TASP1: variants seen among roughly 807,000 people sequenced by gnomAD.
TASP1 encodes the protein taspase 1, also known as threonine aspartase 1.
TASP1 carries 16 observed loss-of-function variants against 56.6 expected under a neutral mutation model. That is an observed-to-expected ratio of 0.28 (90% CI 0.19 to 0.43). TASP1 has a LOEUF of 0.43. Ranked by LOEUF, TASP1 falls within the 20% of genes least tolerant of loss-of-function variation. The probability of loss-of-function intolerance (pLI) is 1.00; values close to 1 mark genes in which losing one functional copy is unlikely to be tolerated. For missense variants in TASP1, 393 were observed against 511.6 expected, an observed-to-expected ratio of 0.77 and a Z score of 2.24; for synonymous variants, 179 against 184.2, an observed-to-expected ratio of 0.97 and a Z score of 0.23.
At chr20:13,164,891 T>A in the TASP1 span, 1 of 1,590,476 alleles carries the variant, frequency 6.3e-7, no homozygotes, top group Non-Finnish European at 8.6e-7. Context: ...GAATGACACA[T>A]AAAGACTTTG....
intron 13 of TASP1, among the ~76,000 whole-genome samples, chr20:13,404,273 G>A (rs1052026990): frequency 2.0e-5 from 3 of 152,188 alleles, no homozygotes; most frequent in Non-Finnish European, 2.9e-5. Flanking sequence ...AGCTTTGTGA[G>A]GGTTTACCCT....
At chr20:13,392,939 A>C (rs2041347233) in intron 13 of TASP1, 2 of 620,646 alleles carry the variant, frequency 3.2e-6, no homozygotes, top group Non-Finnish European at 6.1e-6. Context: ...AAATGGGGCC[A>C]TGCTGGTGCT....
chr20:13,308,404 G>A, the TASP1 span, among the ~76,000 whole-genome samples: 1 of 152,050 alleles, frequency 6.6e-6, no homozygotes, highest in Non-Finnish European at 1.5e-5. Flanking sequence ...CCAAGTCTTG[G>A]CAAGGCGATG....
At chr20:13,221,671 G>T in the TASP1 span, 1 of 1,016,092 alleles carries the variant, frequency 9.8e-7, no homozygotes, top group Non-Finnish European at 1.2e-6. Context: ...GAGCCGAGGC[G>T]GGAGCCGCGC....
At chr20:13,261,917 G>A in the TASP1 span, among the ~76,000 whole-genome samples, 1 of 152,170 alleles carries the variant, frequency 6.6e-6, no homozygotes. Context: ...GCCTTGGCCT[G>A]GGCCTTATAT....
the TASP1 span, among the ~76,000 whole-genome samples, chr20:13,316,419 G>A: frequency 6.6e-6 from 1 of 151,698 alleles, no homozygotes. Context: ...AGAAGTAGAG[G>A]GAATTATTAT....
At chr20:13,163,264 CT>C in the TASP1 span, among the ~76,000 whole-genome samples, 4 of 149,884 alleles carry the variant, frequency 2.7e-5, no homozygotes, top group African/African-American at 9.8e-5. Flanking sequence ...GCTACTCGAA[CT>C]GCTGAGGCAG....
chr20:13,220,357 C>G, the TASP1 span, among the ~76,000 whole-genome samples: 1 of 152,234 alleles, frequency 6.6e-6, no homozygotes, highest in Non-Finnish European at 1.5e-5. Flanking sequence ...GATCCCAGAG[C>G]CCTTCCATTC....
chr20:13,419,045 T>C (rs889753673), intron 12 of TASP1, among the ~76,000 whole-genome samples: 1 of 152,158 alleles, frequency 6.6e-6, no homozygotes, highest in South Asian at 2.1e-4. Flanking sequence ...TAAAGGACAT[T>C]ATGGAAACAA....
At chr20:13,202,517 T>C in the TASP1 span, among the ~76,000 whole-genome samples, 3 of 152,236 alleles carry the variant, frequency 2.0e-5, no homozygotes, top group African/African-American at 7.2e-5. Context: ...CAAGTCACTA[T>C]GTCCATCTTT....
chr20:13,554,255 G>A lies in TASP1; in HGVS notation c.675+4753C>T, dbSNP rs181422280. On this transcript the variant is annotated intron_variant, in intron 8 of 13. Coordinates refer to ENST00000337743, the MANE Select transcript of TASP1 (RefSeq NM_017714.3). ...CCACCTCCAAACTTATTACTATGTG[G>A]CTACGGGCCAGAGAGCAAGGGGACA... Among the ~76,000 whole-genome samples, 531 of 152,240 alleles carry A rather than the reference G, an allele frequency of 3.5e-3. 2 individuals carry two copies. The highest frequency in any genetic ancestry group is 5.8e-3 in the Non-Finnish European group (392 of 68,016).
the TASP1 span, among the ~76,000 whole-genome samples, chr20:13,264,986 A>T: frequency 5.9e-5 from 9 of 152,182 alleles, no homozygotes; most frequent in Non-Finnish European, 1.2e-4. Context: ...TGGACAAGTC[A>T]CAGCGCAGTG....
intron 10 of TASP1, among the ~76,000 whole-genome samples, chr20:13,492,540 G>C (rs1365152928): frequency 6.6e-6 from 1 of 152,140 alleles, no homozygotes; most frequent in Admixed American, 6.5e-5. Flanking sequence ...TCTTCACAGT[G>C]TCCCTATGGT....
chr20:13,310,905 A>G, the TASP1 span, among the ~76,000 whole-genome samples: 1 of 152,212 alleles, frequency 6.6e-6, no homozygotes, highest in South Asian at 2.1e-4. Context: ...ATCAAAAAAT[A>G]TAAAGAGGCC....
Position 13,393,304 on chromosome 20 carries a change from C to T in TASP1, c.1171-2852G>A. The T allele has an allele frequency of 5.3e-6, 4 of 755,776 alleles. No individual in the cohort carries two copies. In the South Asian group the frequency reaches 5.5e-5, roughly 10 times the overall value. The allele number at this position is 755,776 out of a possible 1,614,324, so 46.8% of individuals were successfully genotyped here. On this transcript the variant is annotated intron_variant, in intron 13 of 13. Coordinates refer to ENST00000337743, the MANE Select transcript of TASP1 (RefSeq NM_017714.3). ...CTCCAGAACATCATCCCTGCATCTA[C>T]TGGCACTGCCAAGGCTGTGGGCAAG...
intron 11 of TASP1, among the ~76,000 whole-genome samples, chr20:13,462,971 A>G (rs184971594): frequency 8.0e-4 from 122 of 152,284 alleles, no homozygotes; most frequent in Admixed American, 3.1e-3. Context: ...ATTTAATGCC[A>G]TCTCTATCAA....
chr20:13,300,983 C>G, the TASP1 span, among the ~76,000 whole-genome samples: 14 of 152,202 alleles, frequency 9.2e-5, no homozygotes, highest in Non-Finnish European at 1.8e-4. Context: ...AACTACTCAT[C>G]ATGAAAAGTA....
At chr20:13,108,836 G>C in the TASP1 span, among the ~76,000 whole-genome samples, 1 of 152,182 alleles carries the variant, frequency 6.6e-6, no homozygotes, top group Non-Finnish European at 1.5e-5. Flanking sequence ...CCTTTTGTGA[G>C]CATTTTAAAT....
chr20:13,478,153 G>C (rs960189685), intron 11 of TASP1, among the ~76,000 whole-genome samples: 3 of 152,102 alleles, frequency 2.0e-5, no homozygotes, highest in Non-Finnish European at 2.9e-5. Flanking sequence ...AATAATGGTT[G>C]AGCCTAGTTA....
Sources: allele counts gnomAD v4.1 joint callset (sites outside exome capture counted in the v4.1 genomes callset), GRCh38; gene constraint gnomAD v4.1.1; transcripts MANE v1.5; gene names NCBI Gene and HGNC (gene_info 2026-07-23, HGNC 2026-07-21).